The following NRG1 variants were observed in gnomAD, a reference collection of about 807,000 sequenced individuals.
NRG1 encodes neuregulin 1.
Under a neutral mutation model 63.8 loss-of-function variants are expected in NRG1, and 18 were observed. The observed-to-expected ratio is 0.28, with a 90% CI of 0.19 to 0.42. NRG1 has a LOEUF of 0.42. NRG1 is among the 10% of genes least tolerant of loss of function. The probability of loss-of-function intolerance (pLI) is 1.00; values close to 1 mark genes in which losing one functional copy is unlikely to be tolerated. For synonymous variants in NRG1, 302 were observed against 301.3 expected, an observed-to-expected ratio of 1.00 and a Z score of -0.02; for missense variants, 762 against 814.7, an observed-to-expected ratio of 0.94 and a Z score of 0.79.
At chr8:32,309,930 A>G (rs1229683534) in intron 1 of NRG1, among the ~76,000 whole-genome samples, 1 of 152,248 alleles carries the variant, frequency 6.6e-6, no homozygotes, top group Admixed American at 6.5e-5. Flanking sequence ...AGTTCTGTCC[A>G]GACAAGCACA....
chr8:32,361,044 T>G (rs56125137), intron 1 of NRG1, among the ~76,000 whole-genome samples: 1 of 152,160 alleles, frequency 6.6e-6, no homozygotes, highest in African/African-American at 2.4e-5. Flanking sequence ...CTGTCCGAAC[T>G]TCAATCCCCT....
intron 3 of NRG1, among the ~76,000 whole-genome samples, chr8:32,608,092 G>GTTTTTTTTTGT (rs1845600747): frequency 1.7e-3 from 175 of 106,018 alleles, no homozygotes; most frequent in Non-Finnish European, 2.6e-3. Flanking sequence ...GGTTTTTTTT[G>GTTTTTTTTTGT]TTTTTTTTTT....
At chr8:32,089,308 C>G (rs1418658224) in intron 1 of NRG1, among the ~76,000 whole-genome samples, 1 of 152,154 alleles carries the variant, frequency 6.6e-6, no homozygotes, top group Non-Finnish European at 1.5e-5. Flanking sequence ...GTAAAGAACA[C>G]CTTCTTAACC....
At chr8:31,897,228 G>C (rs62508657) in intron 1 of NRG1, among the ~76,000 whole-genome samples, 36,982 of 151,954 alleles carry the variant, frequency 0.24, 5,815 homozygotes, top group East Asian at 0.69. Context: ...ATGATAGGAT[G>C]GGGGAGTAGG....
At chr8:31,861,420 A>G (rs1184108171) in intron 1 of NRG1, among the ~76,000 whole-genome samples, 1 of 152,214 alleles carries the variant, frequency 6.6e-6, no homozygotes, top group Non-Finnish European at 1.5e-5. Flanking sequence ...TTTAATTAAA[A>G]AAGAATTTGT....
chr8:31,651,203 G>A (rs1804804389), intron 1 of NRG1, among the ~76,000 whole-genome samples: 1 of 152,082 alleles, frequency 6.6e-6, no homozygotes, highest in South Asian at 2.1e-4. Context: ...TATCTCCATG[G>A]CCTTTTTGTG....
intron 1 of NRG1, among the ~76,000 whole-genome samples, chr8:31,660,428 G>A (rs1416562774): frequency 6.6e-6 from 1 of 152,228 alleles, no homozygotes; most frequent in Non-Finnish European, 1.5e-5. Flanking sequence ...TGGGTATATA[G>A]AATTGTTTCA....
chr8:32,763,321 T>C, intron 11 of NRG1: 7 of 1,614,048 alleles, frequency 4.3e-6, no homozygotes, highest in Non-Finnish European at 5.9e-6. Context: ...CATTCCCCAT[T>C]TGGGCTTCAT....
intron 1 of NRG1, among the ~76,000 whole-genome samples, chr8:32,504,293 G>A (rs1242934238): frequency 6.6e-6 from 1 of 152,126 alleles, no homozygotes; most frequent in Admixed American, 6.5e-5. Context: ...TGTGGGGAAA[G>A]GGAACCCTCT....
At chr8:32,128,204 T>A (rs1563818367) in intron 1 of NRG1, among the ~76,000 whole-genome samples, 2 of 151,928 alleles carry the variant, frequency 1.3e-5, no homozygotes, top group Non-Finnish European at 2.9e-5. Flanking sequence ...TGTGCACATG[T>A]GTGCTTGCGG....
chr8:31,852,726 G>A (rs1827381420), intron 1 of NRG1, among the ~76,000 whole-genome samples: 1 of 152,110 alleles, frequency 6.6e-6, no homozygotes, highest in South Asian at 2.1e-4. Context: ...TTTCTTCTAG[G>A]GTTTTCATGG....
intron 1 of NRG1, among the ~76,000 whole-genome samples, chr8:32,349,188 T>A (rs12548203): frequency 0.52 from 78,661 of 152,008 alleles, 21,274 homozygotes; most frequent in Non-Finnish European, 0.61. Context: ...GTGAAAGATA[T>A]GCTGCCAATC....
intron 1 of NRG1, among the ~76,000 whole-genome samples, chr8:32,488,613 C>CCAAA (rs34689410): frequency 0.41 from 62,314 of 150,166 alleles, 13,302 homozygotes; most frequent in East Asian, 0.76. Flanking sequence ...CCATCTCTAC[C>CCAAA]CAAACAAACA....
intron 1 of NRG1, among the ~76,000 whole-genome samples, chr8:32,173,580 T>C (rs1048646522): frequency 6.6e-6 from 1 of 152,100 alleles, no homozygotes; most frequent in Non-Finnish European, 1.5e-5. Flanking sequence ...ATCAGTGTGC[T>C]GTATTCAGGA....
At chr8:32,514,542 A>G (rs930442088) in intron 1 of NRG1, among the ~76,000 whole-genome samples, 8 of 152,310 alleles carry the variant, frequency 5.3e-5, no homozygotes, top group African/African-American at 1.2e-4. Flanking sequence ...ACATTTTGGC[A>G]AAGTAAGCAG....
intron 1 of NRG1, among the ~76,000 whole-genome samples, chr8:31,692,792 T>A (rs1015119406): frequency 6.6e-6 from 1 of 151,812 alleles, no homozygotes; most frequent in Non-Finnish European, 1.5e-5. Flanking sequence ...CGTGGGGAGG[T>A]GTGTAAGCTT....
intron 1 of NRG1, among the ~76,000 whole-genome samples, chr8:32,358,195 G>A (rs371960868): frequency 6.6e-6 from 1 of 152,058 alleles, no homozygotes; most frequent in African/African-American, 2.4e-5. Context: ...AACCTTGGGA[G>A]TACTAGGGAA....
chr8:31,662,290 A>G (rs1190517148), intron 1 of NRG1, among the ~76,000 whole-genome samples: 1 of 152,236 alleles, frequency 6.6e-6, no homozygotes, highest in Non-Finnish European at 1.5e-5. Context: ...TACATTAAGA[A>G]AAAAACCATA....
At chr8:31,927,638 C>T (rs1834485711) in intron 1 of NRG1, among the ~76,000 whole-genome samples, 5 of 148,268 alleles carry the variant, frequency 3.4e-5, no homozygotes, top group Admixed American at 1.3e-4. Flanking sequence ...TTAGTAGAGA[C>T]GGGGTTTCAC....
Sources: gnomAD v4.1 joint callset for allele counts (sites outside exome capture counted in the v4.1 genomes callset) on GRCh38, gnomAD v4.1.1 for gene constraint, MANE v1.5 for transcripts, NCBI Gene and HGNC (gene_info 2026-07-23, HGNC 2026-07-21) for gene names.